Variants in SH3GL1 observed in about 807,000 individuals in gnomAD.
The protein encoded by SH3GL1 is endophilin-A2.
A neutral mutation model predicts 48.8 loss-of-function variants in SH3GL1; 21 were observed. The observed-to-expected ratio is 0.43, with a 90% CI of 0.30 to 0.62. The LOEUF (loss-of-function observed/expected upper bound fraction) is 0.62. Ranked by LOEUF, SH3GL1 falls within the 20% of genes least tolerant of loss-of-function variation. The probability of loss-of-function intolerance (pLI) is 0.11; values close to 1 mark genes in which losing one functional copy is unlikely to be tolerated. For synonymous variants in SH3GL1, 282 were observed against 217.5 expected (o/e 1.30, Z -2.61); for missense variants, 454 against 503.0 (o/e 0.90, Z 0.93).
intron 1 of SH3GL1, among the ~76,000 whole-genome samples, chr19:4,383,375 G>A (rs1056649544): frequency 1.3e-5 from 2 of 151,702 alleles, no homozygotes; most frequent in Non-Finnish European, 2.9e-5. Context: ...TCACCACACA[G>A]AGTTATTTTT....
At position 4,400,303 on chromosome 19, in the gene SH3GL1, C is replaced by T. The variant is rs1599628376; in HGVS notation, c.45+21G>A. ...GCAGCCCGGGGCCCGGTACTCGGCT[C>T]CCGCCTGGGCCTGCGCTCACCTGGC... On this transcript the variant is annotated intron_variant, in intron 1 of 9. Transcript: ENST00000269886. The surrounding 1 kb of genome is among the most constrained non-coding windows in gnomAD (Gnocchi z 4.1). 2.5e-6 allele frequency: 4 copies of T among 1,595,118 alleles called. No individual in the cohort carries two copies. In the African/African-American group the frequency reaches 5.5e-5, roughly 22 times the overall value.
At chr19:4,394,673 G>A (rs1392264740) in intron 1 of SH3GL1, among the ~76,000 whole-genome samples, 1 of 151,948 alleles carries the variant, frequency 6.6e-6, no homozygotes, top group Non-Finnish European at 1.5e-5. Flanking sequence ...ACACAGCCTC[G>A]CCTGTTAGAA....
rs565796881 is a variant in SH3GL1 at position 4,367,675 on chromosome 19, A to G, written c.46-681T>C. Reference sequence around the variant, plus strand: ...AGCGATGACAATGACAGGCACTTACAGCGTCTTTCCTCGTGTGGTGGGAAG... The same window carrying G: ...AGCGATGACAATGACAGGCACTTACGGCGTCTTTCCTCGTGTGGTGGGAAG... On this transcript the variant is annotated intron_variant, in intron 1 of 9. Transcript: ENST00000269886. This position sits in a 1 kb window ranked among gnomAD's most constrained non-coding sequence, Gnocchi z 4.2. 2.0e-5 allele frequency among the ~76,000 whole-genome samples: 3 copies of G among 152,300 alleles called. No homozygotes were observed. Among genetic ancestry groups the G allele is most frequent in the African/African-American group, 7.2e-5 (3 of 41,558 alleles).
chr19:4,370,948 C>T (rs757570619), intron 1 of SH3GL1, among the ~76,000 whole-genome samples: 3 of 152,234 alleles, frequency 2.0e-5, no homozygotes, highest in Non-Finnish European at 4.4e-5. Context: ...AGATGCCCAG[C>T]GGAGACCTGC....
chr19:4,363,270 C>T, intron 7 of SH3GL1, 100 bp downstream of exon 7: 2 of 901,294 alleles, frequency 2.2e-6, no homozygotes, highest in Admixed American at 2.1e-5. Context: ...GGATGCTGCT[C>T]TGCCATGTGC....
intron 1 of SH3GL1, among the ~76,000 whole-genome samples, chr19:4,398,953 A>G (rs1043022143): frequency 6.6e-6 from 1 of 152,184 alleles, no homozygotes; most frequent in African/African-American, 2.4e-5. Flanking sequence ...AACAATAGAG[A>G]TATCTATCAA....
At chr19:4,362,407 A>C (rs1568405666) in intron 8 of SH3GL1, 22 bp from the exon 9 acceptor site, 3 of 1,606,108 alleles carry the variant, frequency 1.9e-6, no homozygotes, top group East Asian at 2.2e-5. Context: ...CAAAACGAGG[A>C]GGCTGTGGGC....
At chr19:4,361,909 T>C in intron 9 of SH3GL1, 113 bp from the exon 10 acceptor site, 1 of 760,400 alleles carries the variant, frequency 1.3e-6, no homozygotes, top group Non-Finnish European at 2.2e-6. Context: ...GCCTCCCCTC[T>C]GCCCTGCCTG....
intron 1 of SH3GL1, among the ~76,000 whole-genome samples, chr19:4,397,131 C>G (rs962295629): frequency 2.0e-5 from 3 of 152,240 alleles, no homozygotes; most frequent in African/African-American, 7.2e-5. Context: ...CACAAATAGT[C>G]GGATACGTCC....
rs565568842 is a variant in SH3GL1, at chr19:4,376,953, G to T, written c.46-9959C>A. On this transcript the variant is annotated intron_variant, in intron 1 of 9. Coordinates refer to ENST00000269886, the MANE Select transcript of SH3GL1 (RefSeq NM_003025.4). This position sits in a 1 kb window ranked among gnomAD's most constrained non-coding sequence, Gnocchi z 4.3. Reference sequence around the variant, plus strand: ...CCCCTTGACAGCAGCTAAGCTCCGGGGGCAGCAACTCCCCGCAGTGACCCG... The same window carrying T: ...CCCCTTGACAGCAGCTAAGCTCCGGTGGCAGCAACTCCCCGCAGTGACCCG... Among the ~76,000 whole-genome samples the T allele has an allele frequency of 5.0e-3, 760 of 152,260 alleles. 8 individuals carry two copies. Among genetic ancestry groups the T allele is most frequent in the South Asian group, 0.028 (135 of 4,822 alleles).
intron 1 of SH3GL1, among the ~76,000 whole-genome samples, chr19:4,381,819 AG>A (rs1568417088): frequency 6.7e-6 from 1 of 148,724 alleles, no homozygotes; most frequent in Non-Finnish European, 1.5e-5. Context: ...CAGCCTCCCG[AG>A]TAGCTGGGAC....
In SH3GL1 at chr19:4,389,201, G is replaced by A. The variant is rs1488637661; in HGVS notation, c.45+11123C>T. ...CAGCAGAACATGGCCCATCACACAT[G>A]CCCGAGCACAGCCCAGCCTCAGGAG... On this transcript the variant is annotated intron_variant, in intron 1 of 9. Transcript: ENST00000269886. This position sits in a 1 kb window ranked among gnomAD's most constrained non-coding sequence, Gnocchi z 4.5. 6.6e-6 allele frequency among the ~76,000 whole-genome samples: 1 copy of A among 152,166 alleles called. No individual in the cohort carries two copies. The highest frequency in any genetic ancestry group is 1.9e-4 in the East Asian group (1 of 5,196).
intron 1 of SH3GL1, among the ~76,000 whole-genome samples, chr19:4,387,851 TTTTG>T (rs1373449314): frequency 7.3e-5 from 11 of 151,598 alleles, no homozygotes; most frequent in Non-Finnish European, 1.0e-4. Flanking sequence ...GCCCGACGAA[TTTTG>T]TTTGTTTTTG....
intron 1 of SH3GL1, among the ~76,000 whole-genome samples, chr19:4,397,898 G>A (rs747607817): frequency 2.0e-5 from 3 of 152,154 alleles, no homozygotes; most frequent in East Asian, 1.9e-4. Flanking sequence ...CCAGGCTGAA[G>A]TGCAGTGGCA....
rs558422068 is a variant in SH3GL1 at position 4,372,958 on chromosome 19, C to T, written c.46-5964G>A. 2.0e-5 allele frequency among the ~76,000 whole-genome samples: 3 copies of T among 152,368 alleles called. No individual in the cohort carries two copies. In the South Asian group the frequency reaches 6.2e-4, roughly 32 times the overall value. On this transcript the variant is annotated intron_variant, in intron 1 of 9. Coordinates refer to ENST00000269886, the MANE Select transcript of SH3GL1 (RefSeq NM_003025.4). Reference sequence around the variant, plus strand: ...CTATCTACAGGGGCGGCGCTGGCTGCAGGCAGCTCTGAGCTTTCCTGTGAC... The same window carrying T: ...CTATCTACAGGGGCGGCGCTGGCTGTAGGCAGCTCTGAGCTTTCCTGTGAC...
rs1336071347 is a variant in SH3GL1, at chr19:4,376,252, C to T, written c.46-9258G>A. 5.3e-5 allele frequency among the ~76,000 whole-genome samples: 8 copies of T among 152,192 alleles called. No individual in the cohort carries two copies. Among genetic ancestry groups the T allele is most frequent in the African/African-American group, 1.7e-4 (7 of 41,438 alleles). On this transcript the variant is annotated intron_variant, in intron 1 of 9. Transcript: ENST00000269886. The surrounding 1 kb of genome is among the most constrained non-coding windows in gnomAD (Gnocchi z 4.3). ...CCATTTCTTTGTGACTGTGGGCCAC[C>T]ATGGGCATGAGTCACCTGTCACCAG...
Position 4,399,753 on chromosome 19 carries a change from G to A in SH3GL1, c.45+571C>T, listed in dbSNP as rs557246406. 8.9e-4 allele frequency among the ~76,000 whole-genome samples: 136 copies of A among 152,308 alleles called. 1 individual carries two copies. The highest frequency in any genetic ancestry group is 3.1e-3 in the African/African-American group (128 of 41,572). ...GGATTCTGTGGCATATGCTATCACA[G>A]GGTACGTGTTTTTAAAGGAAAGGCA... On this transcript the variant is annotated intron_variant, in intron 1 of 9. Transcript: ENST00000269886.
At chr19:4,393,628 A>G (rs1009465039) in intron 1 of SH3GL1, among the ~76,000 whole-genome samples, 1 of 151,956 alleles carries the variant, frequency 6.6e-6, no homozygotes, top group Non-Finnish European at 1.5e-5. Context: ...CGTCTCTACT[A>G]AAAATACAAA....
At position 4,364,127 on chromosome 19, in the gene SH3GL1, G is replaced by C; in HGVS notation, c.426C>G (p.Pro142=). 6.2e-7 allele frequency: 1 copy of C among 1,613,758 alleles called. No individual in the cohort carries two copies. The highest frequency in any genetic ancestry group is 8.5e-7 in the Non-Finnish European group (1 of 1,180,010). The change falls in exon 5 of 10, where the codon CCC becomes CCG. Residue 142 remains proline (P), a synonymous_variant. Coordinates refer to ENST00000269886, the MANE Select transcript of SH3GL1 (RefSeq NM_003025.4). ...GGTCTTTCTCGCACAGGTTCTGGAG[G>C]GGGTCAATGAAGTTCTGCTTGACCT... The part of the protein sequence containing the change: ...DIEVKQNFID[P]LQNLCEKDLK...
Sources: allele counts gnomAD v4.1 joint callset (sites outside exome capture counted in the v4.1 genomes callset), GRCh38; gene constraint gnomAD v4.1.1; non-coding constraint Gnocchi (gnomAD v3.1); transcripts MANE v1.5; gene names NCBI Gene and HGNC (gene_info 2026-07-23, HGNC 2026-07-21).